Variants in SLC4A10 observed in about 807,000 individuals in gnomAD.
The protein encoded by SLC4A10 is solute carrier family 4 member 10, also known as sodium-driven chloride bicarbonate exchanger.
A neutral mutation model predicts 137.7 loss-of-function variants in SLC4A10; 42 were observed. The observed-to-expected ratio is 0.30, with a 90% CI of 0.24 to 0.39. The LOEUF is 0.39. SLC4A10 is among the 10% of genes least tolerant of loss of function. The pLI, the probability that SLC4A10 is intolerant of heterozygous loss-of-function variation, is 1.00. For missense variants in SLC4A10, 925 were observed against 1,355.0 expected (o/e 0.68, Z 4.98); for synonymous variants, 474 against 464.1 (o/e 1.02, Z -0.27).
chr2:161,745,888 C>A (rs1007786569), intron 1 of SLC4A10, among the ~76,000 whole-genome samples: 7 of 152,130 alleles, frequency 4.6e-5, no homozygotes, highest in Admixed American at 3.9e-4. Context: ...GACTACCAGG[C>A]AGAGTCTCTT....
At chr2:161,839,745 G>T in intron 3 of SLC4A10, 44 bp from the exon 4 acceptor site, 1 of 1,605,310 alleles carries the variant, frequency 6.2e-7, no homozygotes, top group Non-Finnish European at 8.5e-7. Context: ...GCTCAGGGTC[G>T]TGGTAATACA....
intron 10 of SLC4A10, among the ~76,000 whole-genome samples, chr2:161,884,587 G>A (rs1264358076): frequency 2.0e-5 from 3 of 152,140 alleles, no homozygotes; most frequent in African/African-American, 7.2e-5. Flanking sequence ...AATAAAGACT[G>A]AAATTTGAGC....
At chr2:161,933,196 T>TTTCC (rs1410428568) in intron 15 of SLC4A10, among the ~76,000 whole-genome samples, 1 of 93,090 alleles carries the variant, frequency 1.1e-5, no homozygotes, top group African/African-American at 4.0e-5. Flanking sequence ...TCTTTCTTTC[T>TTTCC]TTCTTTCTTT....
At position 161,804,649 on chromosome 2, in the gene SLC4A10, T is replaced by C. The variant is rs903503190; in HGVS notation, c.277+54T>C. 6 of 1,486,834 alleles carry C rather than the reference T, an allele frequency of 4.0e-6. No homozygotes were observed. In the Admixed American group the frequency reaches 6.5e-5, roughly 16 times the overall value. The allele number at this position is 1,486,834 out of a possible 1,614,324, so 92.1% of individuals were successfully genotyped here. Reference sequence around the variant, plus strand: ...AGTTAATTATTGTAATATACTTGCTTATACAATTATGATTAGGAGTAATAC... The same window carrying C: ...AGTTAATTATTGTAATATACTTGCTCATACAATTATGATTAGGAGTAATAC... On this transcript the variant is annotated intron_variant, in intron 3 of 26. Coordinates refer to ENST00000446997, the MANE Select transcript of SLC4A10 (RefSeq NM_001178015.2).
At chr2:161,888,309 G>GT (rs1375644708) in intron 10 of SLC4A10, among the ~76,000 whole-genome samples, 1 of 152,006 alleles carries the variant, frequency 6.6e-6, no homozygotes, top group African/African-American at 2.4e-5. Flanking sequence ...ATTTAAAGTC[G>GT]TTTTTTCCAA....
At chr2:161,937,408 T>G (rs537768877) in intron 15 of SLC4A10, among the ~76,000 whole-genome samples, 12 of 152,286 alleles carry the variant, frequency 7.9e-5, no homozygotes, top group African/African-American at 2.9e-4. Context: ...CCACCCCTTC[T>G]GTTTCAACCA....
intron 15 of SLC4A10, among the ~76,000 whole-genome samples, chr2:161,932,486 T>G (rs1690582574): frequency 6.6e-6 from 1 of 152,236 alleles, no homozygotes; most frequent in African/African-American, 2.4e-5. Flanking sequence ...ATGGACATGC[T>G]ACTGAGCTTT....
At chr2:161,630,416 ACC>A (rs34891549) in intron 1 of SLC4A10, among the ~76,000 whole-genome samples, 140,108 of 151,570 alleles carry the variant, frequency 0.92, 64,792 homozygotes, top group East Asian at 1. Context: ...CATTGTTGAC[ACC>A]CCATTATTTT....
chr2:161,678,142 A>G (rs1259326446), intron 1 of SLC4A10, among the ~76,000 whole-genome samples: 2 of 152,152 alleles, frequency 1.3e-5, no homozygotes, highest in Admixed American at 6.6e-5. Context: ...TTTAGGCCCA[A>G]ATGAATTCCT....
intron 2 of SLC4A10, among the ~76,000 whole-genome samples, chr2:161,782,570 A>T (rs1238964811): frequency 6.6e-6 from 1 of 151,652 alleles, no homozygotes; most frequent in African/African-American, 2.4e-5. Flanking sequence ...ATTTAGAATA[A>T]CTGTCATAAA....
chr2:161,933,974 C>T (rs1054272768), intron 15 of SLC4A10, among the ~76,000 whole-genome samples: 7 of 152,178 alleles, frequency 4.6e-5, no homozygotes, highest in East Asian at 3.9e-4. Flanking sequence ...TCCACCTCCT[C>T]GCCAACACTT....
At chr2:161,955,633 A>G (rs1695521489) in intron 19 of SLC4A10, among the ~76,000 whole-genome samples, 1 of 152,204 alleles carries the variant, frequency 6.6e-6, no homozygotes. Flanking sequence ...GAAAGGAAAG[A>G]AAGTACAACT....
chr2:161,836,546 A>G (rs750002196), intron 3 of SLC4A10, among the ~76,000 whole-genome samples: 25 of 42,788 alleles, frequency 5.8e-4, no homozygotes, highest in African/African-American at 1.5e-3. Flanking sequence ...GAAAGAAAGA[A>G]AGAAAGAAAG....
chr2:161,945,908 A>T (rs926517269), intron 16 of SLC4A10, among the ~76,000 whole-genome samples: 1 of 151,962 alleles, frequency 6.6e-6, no homozygotes, highest in Non-Finnish European at 1.5e-5. Flanking sequence ...ATGACAAAAG[A>T]TGCTCACAAA....
rs2050052376 is a variant in SLC4A10, at chr2:161,759,806, A to T, written c.49-11167A>T. Among the ~76,000 whole-genome samples the T allele has an allele frequency of 2.0e-5, 3 of 151,928 alleles. No homozygotes were observed. The South Asian group carries it at 6.2e-4, about 31-fold the overall frequency. Reference sequence around the variant, plus strand: ...GTTTGCAAATATTTTTTCCCATCCTATAGGTTGCCTTTTCATTTTGCTGAT... The same window carrying T: ...GTTTGCAAATATTTTTTCCCATCCTTTAGGTTGCCTTTTCATTTTGCTGAT... On this transcript the variant is annotated intron_variant, in intron 1 of 26. Coordinates refer to ENST00000446997, the MANE Select transcript of SLC4A10 (RefSeq NM_001178015.2).
At chr2:161,750,146 T>C (rs545553475) in intron 1 of SLC4A10, among the ~76,000 whole-genome samples, 30 of 151,652 alleles carry the variant, frequency 2.0e-4, no homozygotes, top group Non-Finnish European at 2.1e-4. Context: ...TCTTTTTTTC[T>C]TAGTTAGTCT....
intron 3 of SLC4A10, among the ~76,000 whole-genome samples, chr2:161,833,586 A>G (rs1322861291): frequency 2.0e-5 from 3 of 152,238 alleles, no homozygotes; most frequent in East Asian, 3.8e-4. Context: ...TATTGATAGT[A>G]GGGCAGCAGG....
At chr2:161,747,363 C>T (rs1054125915) in intron 1 of SLC4A10, among the ~76,000 whole-genome samples, 7 of 152,094 alleles carry the variant, frequency 4.6e-5, no homozygotes, top group African/African-American at 1.7e-4. Context: ...ATGCAAAGTC[C>T]CACAATCACT....
At chr2:161,842,442 A>G (rs755833341) in intron 4 of SLC4A10, among the ~76,000 whole-genome samples, 3 of 151,964 alleles carry the variant, frequency 2.0e-5, no homozygotes, top group African/African-American at 7.2e-5. Flanking sequence ...GAGGTACAAC[A>G]TCTTTTCCTA....
Sources: gnomAD v4.1 joint callset for allele counts (sites outside exome capture counted in the v4.1 genomes callset) on GRCh38, gnomAD v4.1.1 for gene constraint, MANE v1.5 for transcripts, NCBI Gene and HGNC (gene_info 2026-07-23, HGNC 2026-07-21) for gene names.